The following ADAD1 variants were observed in gnomAD, a reference collection of about 807,000 sequenced individuals.
The protein encoded by ADAD1 is adenosine deaminase domain containing 1.
ADAD1 carries 46 observed loss-of-function variants against 66.8 expected under a neutral mutation model. That is an observed-to-expected ratio of 0.69 (90% CI 0.54 to 0.88). ADAD1 has a LOEUF of 0.88. ADAD1 is among the 40% of genes least tolerant of loss of function. The pLI, the probability that ADAD1 is intolerant of heterozygous loss-of-function variation, is 0.00. For synonymous variants in ADAD1, 248 were observed against 229.4 expected (o/e 1.08, Z -0.73); for missense variants, 617 against 681.8 (o/e 0.91, Z 1.06).
At chr4:122,419,271 C>G (rs1010885480) in intron 11 of ADAD1, among the ~76,000 whole-genome samples, 1 of 152,132 alleles carries the variant, frequency 6.6e-6, no homozygotes, top group Admixed American at 6.5e-5. Context: ...AGCAAATGAA[C>G]ATGGGAACAG....
chr4:122,414,479 T>C (rs999716679), intron 10 of ADAD1, among the ~76,000 whole-genome samples: 5 of 152,064 alleles, frequency 3.3e-5, no homozygotes, highest in Non-Finnish European at 7.4e-5. Flanking sequence ...TCTTGATCAT[T>C]TGTCACTCTT....
At chr4:122,411,892 A>G (rs1454734711) in intron 9 of ADAD1, among the ~76,000 whole-genome samples, 1 of 152,212 alleles carries the variant, frequency 6.6e-6, no homozygotes, top group African/African-American at 2.4e-5. Flanking sequence ...TCTACTTTTA[A>G]GACCTCATAA....
At chr4:122,409,887 A>G (rs1796392393) in intron 8 of ADAD1, among the ~76,000 whole-genome samples, 2 of 151,894 alleles carry the variant, frequency 1.3e-5, no homozygotes, top group African/African-American at 4.8e-5. Context: ...TTTAGTAGAG[A>G]ATGTTGCTGG....
At chr4:122,402,311 A>G (rs923950022) in intron 7 of ADAD1, among the ~76,000 whole-genome samples, 1 of 152,176 alleles carries the variant, frequency 6.6e-6, no homozygotes, top group East Asian at 1.9e-4. Flanking sequence ...TAAGGAGTCT[A>G]AAGGTAAGAC....
At position 122,421,319 on chromosome 4, in the gene ADAD1, A is replaced by C; in HGVS notation, c.1546A>C (p.Ser516Arg). Residue 516 changes from serine (S) to arginine (R), a missense_variant, in exon 12 of 13, where the codon AGT becomes CGT. Coordinates refer to ENST00000296513, the MANE Select transcript of ADAD1 (RefSeq NM_139243.4). ...TCGGCTTTGTAAGGCTGCAATGTTA[A>C]GTCGGTTTAACCTGCTTGCCAAAGA... ...ASRLCKAAMLSRFNLLAKEAK... is the reference protein window; with the variant it reads ...ASRLCKAAMLRRFNLLAKEAK... The C allele has an allele frequency of 1.9e-6, 3 of 1,607,680 alleles. No homozygotes were observed. Among genetic ancestry groups the C allele is most frequent in the Non-Finnish European group, 2.6e-6 (3 of 1,175,494 alleles).
chr4:122,398,132 C>T (rs549081405), intron 7 of ADAD1, among the ~76,000 whole-genome samples: 1 of 151,978 alleles, frequency 6.6e-6, no homozygotes, highest in East Asian at 1.9e-4. Context: ...AGTCTTTTAT[C>T]CCTCATCCCC....
chr4:122,403,025 G>A (rs1263322734), intron 7 of ADAD1, among the ~76,000 whole-genome samples: 1 of 152,170 alleles, frequency 6.6e-6, no homozygotes, highest in Non-Finnish European at 1.5e-5. Flanking sequence ...TGCATTGCTT[G>A]GAGAGCTAGT....
At chr4:122,405,864 A>G (rs535924207) in intron 7 of ADAD1, among the ~76,000 whole-genome samples, 2 of 152,284 alleles carry the variant, frequency 1.3e-5, no homozygotes, top group African/African-American at 4.8e-5. Flanking sequence ...ACTTCACTTA[A>G]CATAATGTCT....
intron 7 of ADAD1, among the ~76,000 whole-genome samples, chr4:122,397,376 A>G (rs1219656955): frequency 1.3e-5 from 2 of 152,202 alleles, no homozygotes; most frequent in Non-Finnish European, 2.9e-5. Flanking sequence ...TGGGCAAATT[A>G]TATACTTAAC....
intron 10 of ADAD1, among the ~76,000 whole-genome samples, chr4:122,413,690 A>C (rs1009050457): frequency 1.3e-5 from 2 of 151,904 alleles, no homozygotes; most frequent in Non-Finnish European, 2.9e-5. Flanking sequence ...TTTAAGAAGC[A>C]GCTGATAACC....
chr4:122,401,628 A>C (rs1355288724), intron 7 of ADAD1, among the ~76,000 whole-genome samples: 1 of 152,094 alleles, frequency 6.6e-6, no homozygotes, highest in African/African-American at 2.4e-5. Flanking sequence ...GTTGCCGTCT[A>C]TCTTTTTTCT....
chr4:122,391,939 G>A (rs1561535343), intron 5 of ADAD1, among the ~76,000 whole-genome samples: 1 of 152,064 alleles, frequency 6.6e-6, no homozygotes, highest in Non-Finnish European at 1.5e-5. Context: ...CAAACTCCCA[G>A]CCTCAAGTGA....
At chr4:122,392,892 CTT>C (rs752462719) in intron 5 of ADAD1, among the ~76,000 whole-genome samples, 1 of 152,154 alleles carries the variant, frequency 6.6e-6, no homozygotes, top group Non-Finnish European at 1.5e-5. Context: ...CATTGTCACT[CTT>C]TGTTCACTTC....
chr4:122,391,364 G>A (rs765708946), intron 5 of ADAD1, among the ~76,000 whole-genome samples: 6 of 152,284 alleles, frequency 3.9e-5, no homozygotes, highest in South Asian at 2.1e-4. Flanking sequence ...AGCAGGACCC[G>A]CTTAACAAGG....
chr4:122,426,569 A>G (rs867074817), intron 12 of ADAD1, among the ~76,000 whole-genome samples: 151 of 151,158 alleles, frequency 1.0e-3, no homozygotes, highest in African/African-American at 3.7e-3. Flanking sequence ...ATAAAAATAA[A>G]TGTGAAAATC....
intron 5 of ADAD1, among the ~76,000 whole-genome samples, chr4:122,390,137 GA>G (rs999489125): frequency 1.3e-5 from 2 of 152,178 alleles, no homozygotes; most frequent in African/African-American, 4.8e-5. Flanking sequence ...GGCTGGATGT[GA>G]AATTCTGGGT....
At chr4:122,384,277 TGTAC>T (rs1795051954) in intron 5 of ADAD1, among the ~76,000 whole-genome samples, 1 of 152,252 alleles carries the variant, frequency 6.6e-6, no homozygotes, top group Admixed American at 6.5e-5. Context: ...AATGTAATAC[TGTAC>T]ATTTAATACT....
intron 7 of ADAD1, among the ~76,000 whole-genome samples, chr4:122,402,007 T>C (rs762879634): frequency 3.3e-5 from 5 of 152,088 alleles, no homozygotes; most frequent in Admixed American, 6.5e-5. Context: ...TCTTGAGATA[T>C]AGGGTACTGT....
intron 5 of ADAD1, among the ~76,000 whole-genome samples, chr4:122,389,056 G>A (rs1336571919): frequency 6.6e-6 from 1 of 152,102 alleles, no homozygotes; most frequent in Non-Finnish European, 1.5e-5. Context: ...AGAGATTCTG[G>A]TACATTGTCT....
Sources: gnomAD v4.1 joint callset for allele counts (sites outside exome capture counted in the v4.1 genomes callset) on GRCh38, gnomAD v4.1.1 for gene constraint, MANE v1.5 for transcripts, NCBI Gene and HGNC (gene_info 2026-07-23, HGNC 2026-07-21) for gene names.